The following OCA2 variants were observed in gnomAD, a reference collection of about 807,000 sequenced individuals.
OCA2 encodes P protein.
OCA2 carries 77 observed loss-of-function variants against 100.2 expected under a neutral mutation model. The observed-to-expected ratio is 0.77, with a 90% CI of 0.64 to 0.93. OCA2 has a LOEUF of 0.93. OCA2 is among the 40% of genes least tolerant of loss of function. The probability of loss-of-function intolerance (pLI) is 0.00; values close to 1 mark genes in which losing one functional copy is unlikely to be tolerated. For synonymous variants in OCA2, 432 were observed against 439.2 expected (o/e 0.98, Z 0.21); for missense variants, 1,062 against 1,089.1 (o/e 0.98, Z 0.35).
chr15:27,795,571 C>T (rs1414063332), intron 23 of OCA2, among the ~76,000 whole-genome samples: 1 of 152,208 alleles, frequency 6.6e-6, no homozygotes, highest in African/African-American at 2.4e-5. Context: ...GCTGATGCTC[C>T]GCCACAGACC....
At chr15:28,015,649 G>T (rs568953702) in intron 8 of OCA2, among the ~76,000 whole-genome samples, 2 of 152,140 alleles carry the variant, frequency 1.3e-5, no homozygotes, top group South Asian at 4.1e-4. Flanking sequence ...TCGACACCTT[G>T]ACCTCGGACT....
chr15:27,959,225 G>A (rs2040330901), intron 15 of OCA2, among the ~76,000 whole-genome samples: 2 of 152,148 alleles, frequency 1.3e-5, no homozygotes, highest in South Asian at 4.1e-4. Context: ...CAGTACATAT[G>A]GATGCTTTGT....
rs141055419 is a variant in OCA2 at position 28,036,068 on chromosome 15, T to C, written c.228-3905A>G. On this transcript the variant is annotated intron_variant, in intron 2 of 23. Coordinates refer to ENST00000354638, the MANE Select transcript of OCA2 (RefSeq NM_000275.3). ...GTCCTCTAATTGTTCAGCTCAGCTA[T>C]CTCATTAGCATTTCACAGGTTATCA... 5.7e-3 allele frequency among the ~76,000 whole-genome samples: 869 copies of C among 152,342 alleles called. 4 individuals carry two copies. The highest frequency in any genetic ancestry group is 0.024 in the Middle Eastern group (7 of 294).
At chr15:28,028,616 G>T (rs1595851105) in intron 3 of OCA2, among the ~76,000 whole-genome samples, 1 of 152,286 alleles carries the variant, frequency 6.6e-6, no homozygotes, top group East Asian at 1.9e-4. Flanking sequence ...GACTCAAGGG[G>T]AATCATAAAC....
chr15:27,995,987 A>G (rs2041714703), intron 9 of OCA2, among the ~76,000 whole-genome samples: 1 of 151,698 alleles, frequency 6.6e-6, no homozygotes, highest in African/African-American at 2.4e-5. Context: ...TAATTTTTGT[A>G]TTTTCAGTAG....
At chr15:27,985,229 C>T (rs1300109162) in intron 12 of OCA2, 41 bp from the exon 13 acceptor site, 1 of 1,611,640 alleles carries the variant, frequency 6.2e-7, no homozygotes, top group South Asian at 1.1e-5. Context: ...CCAGAGTGAG[C>T]AGGCTCGTAG....
intron 5 of OCA2, 88 bp downstream of exon 5, chr15:28,024,757 A>C: frequency 7.3e-7 from 1 of 1,366,352 alleles, no homozygotes; most frequent in Non-Finnish European, 1.0e-6. Context: ...ACTGAGCCCC[A>C]CACCTCAGGT....
the OCA2 span, among the ~76,000 whole-genome samples, chr15:27,743,205 G>A: frequency 2.6e-5 from 4 of 152,246 alleles, no homozygotes; most frequent in South Asian, 4.1e-4. Flanking sequence ...GCCACCCAGG[G>A]CAGCTGCCAG....
intron 2 of OCA2, among the ~76,000 whole-genome samples, chr15:28,072,141 G>A (rs1038927847): frequency 6.6e-6 from 1 of 152,214 alleles, no homozygotes; most frequent in African/African-American, 2.4e-5. Context: ...GCCGAAGCGG[G>A]TGGATCACCA....
rs761815565 is a variant in OCA2, at chr15:27,989,565, C to T, written c.1182+36G>A. The T allele has an allele frequency of 9.4e-6, 15 of 1,589,294 alleles. No homozygotes were observed. In the Middle Eastern group the frequency reaches 5.1e-4, roughly 55 times the overall value. ...CCAGAGAAGGCCCGGTTACCGCAGG[C>T]GTGGAGCCCAGTCCCACGGGGAGAG... On this transcript the variant is annotated intron_variant, in intron 11 of 23. Coordinates refer to ENST00000354638, the MANE Select transcript of OCA2 (RefSeq NM_000275.3).
At chr15:28,047,171 A>G (rs999423710) in intron 2 of OCA2, among the ~76,000 whole-genome samples, 3 of 152,106 alleles carry the variant, frequency 2.0e-5, no homozygotes, top group African/African-American at 7.2e-5. Flanking sequence ...CTCTCCCACC[A>G]TGACCTATAG....
At chr15:27,958,981 C>G (rs868259987) in intron 15 of OCA2, among the ~76,000 whole-genome samples, 2 of 152,128 alleles carry the variant, frequency 1.3e-5, no homozygotes, top group Admixed American at 6.5e-5. Flanking sequence ...CTTTTAAGCC[C>G]CTTCTGTTCA....
chr15:27,792,371 C>T (rs939981270), intron 23 of OCA2, among the ~76,000 whole-genome samples: 6 of 152,128 alleles, frequency 3.9e-5, no homozygotes, highest in African/African-American at 1.4e-4. Context: ...TGGCCACTGG[C>T]CTGCTTGCCC....
intron 1 of OCA2, among the ~76,000 whole-genome samples, chr15:28,082,292 C>A (rs1047736276): frequency 1.4e-4 from 22 of 152,146 alleles, no homozygotes; most frequent in African/African-American, 5.1e-4. Flanking sequence ...GGCTGGCTAC[C>A]CCAACACGCT....
intron 23 of OCA2, among the ~76,000 whole-genome samples, chr15:27,772,805 C>T (rs899214665): frequency 2.4e-4 from 36 of 147,168 alleles, no homozygotes; most frequent in Middle Eastern, 3.5e-3. Context: ...CTCGCCACTG[C>T]ACTCCAGCCT....
intron 23 of OCA2, among the ~76,000 whole-genome samples, chr15:27,787,000 G>A (rs983745735): frequency 2.6e-5 from 4 of 152,040 alleles, no homozygotes; most frequent in East Asian, 1.9e-4. Context: ...AATGGGTGTT[G>A]GATTTTGTCA....
At chr15:27,981,291 C>A (rs1383657927) in intron 14 of OCA2, among the ~76,000 whole-genome samples, 1 of 152,164 alleles carries the variant, frequency 6.6e-6, no homozygotes, top group Non-Finnish European at 1.5e-5. Context: ...AACACCTGTG[C>A]CTGTTCTACG....
At chr15:28,077,848 G>A (rs750287675) in intron 2 of OCA2, among the ~76,000 whole-genome samples, 8 of 152,160 alleles carry the variant, frequency 5.3e-5, no homozygotes, top group Non-Finnish European at 8.8e-5. Flanking sequence ...TTCGGAGACC[G>A]AGGCAGGTGG....
intron 18 of OCA2, among the ~76,000 whole-genome samples, chr15:27,934,380 C>T (rs1211800415): frequency 3.3e-5 from 5 of 152,160 alleles, no homozygotes; most frequent in Admixed American, 6.5e-5. Context: ...CTCCAGGGCA[C>T]GTACCACACA....
Sources: gnomAD v4.1 joint callset for allele counts (sites outside exome capture counted in the v4.1 genomes callset) on GRCh38, gnomAD v4.1.1 for gene constraint, MANE v1.5 for transcripts, NCBI Gene and HGNC (gene_info 2026-07-23, HGNC 2026-07-21) for gene names.